The following CEP192 variants were observed in gnomAD, a reference collection of about 807,000 sequenced individuals.
CEP192 encodes centrosomal protein of 192 kDa.
CEP192 carries 151 observed loss-of-function variants against 271.8 expected under a neutral mutation model. The observed-to-expected ratio is 0.56, with a 90% CI of 0.49 to 0.64. The LOEUF (loss-of-function observed/expected upper bound fraction) is 0.64. CEP192 is among the 30% of genes least tolerant of loss of function. The probability of loss-of-function intolerance (pLI) is 0.00; values close to 1 mark genes in which losing one functional copy is unlikely to be tolerated. For synonymous variants in CEP192, 995 were observed against 1,076.5 expected (o/e 0.92, Z 1.48); for missense variants, 2,910 against 3,020.5 (o/e 0.96, Z 0.86).
chr18:13,087,641 T>G lies in CEP192; in HGVS notation c.5988T>G (p.Tyr1996Ter). ...FGGDEISRQQ[Y>*]RRALLHKPEM... Reference sequence around the variant, plus strand: ...GAGATGAAATTTCAAGACAGCAGTATCGCAGGTAGATTACTTATCTTACAC... The same window carrying G: ...GAGATGAAATTTCAAGACAGCAGTAGCGCAGGTAGATTACTTATCTTACAC... The change falls in exon 32 of 45, where the codon TAT (tyrosine) becomes TAG (stop). Residue 1996 changes from tyrosine (Y) to a stop codon, truncating the protein, a stop_gained. Transcript: ENST00000506447. LOFTEE classifies it high-confidence loss of function. 6.7e-7 allele frequency: 1 copy of G among 1,484,386 alleles called. No homozygotes were observed. The highest frequency in any genetic ancestry group is 9.2e-7 in the Non-Finnish European group (1 of 1,087,344). 92.0% of individuals were successfully genotyped at this position (1,484,386 alleles called of 1,614,324 possible).
At chr18:13,122,238 A>G (rs753976167) in intron 44 of CEP192, among the ~76,000 whole-genome samples, 1 of 152,254 alleles carries the variant, frequency 6.6e-6, no homozygotes, top group Admixed American at 6.5e-5. Flanking sequence ...CCTGGCCAAC[A>G]TGGTGAAACC....
At chr18:13,118,841 C>T (rs1404876444) in intron 44 of CEP192, among the ~76,000 whole-genome samples, 3 of 152,174 alleles carry the variant, frequency 2.0e-5, no homozygotes, top group Non-Finnish European at 4.4e-5. Context: ...TGTAGGTGAC[C>T]TTGGCTGGCA....
intron 40 of CEP192, among the ~76,000 whole-genome samples, chr18:13,112,610 G>T (rs2040255957): frequency 6.6e-6 from 1 of 152,178 alleles, no homozygotes; most frequent in East Asian, 1.9e-4. Context: ...CCCAGTGGTG[G>T]TTTTTACCCA....
Position 13,018,575 on chromosome 18 carries a change from A to T in CEP192, c.885A>T (p.Lys295Asn), listed in dbSNP as rs1038454102. The change falls in exon 8 of 45, where the codon AAA (lysine) becomes AAT (asparagine). Residue 295 changes from lysine to asparagine, a missense_variant. Physicochemically the swap from Lys to Asn is moderately conservative, Grantham distance 94. Transcript: ENST00000506447. The stretch of plus-strand genomic sequence containing the variant: ...CACACTCTTCTGAAACAACTCACAA[A>T]GAGTCTGAGGAAAGCCAAGTTATTT... ...LDSHSSETTH[K>N]ESEESQVICL... is the part of the protein sequence containing the mutation. 6.5e-7 allele frequency: 1 copy of T among 1,542,646 alleles called. No individual in the cohort carries two copies. The highest frequency in any genetic ancestry group is 2.5e-5 in the East Asian group (1 of 40,774).
At chr18:13,054,695 T>TTTG (rs888486418) in intron 18 of CEP192, among the ~76,000 whole-genome samples, 1 of 152,226 alleles carries the variant, frequency 6.6e-6, no homozygotes, top group African/African-American at 2.4e-5. Context: ...ATACATATTA[T>TTTG]TTGTTATTAT....
At chr18:13,110,379 A>G (rs1336549987) in intron 40 of CEP192, among the ~76,000 whole-genome samples, 9 of 152,174 alleles carry the variant, frequency 5.9e-5, no homozygotes, top group Non-Finnish European at 1.0e-4. Flanking sequence ...CCACAGAACT[A>G]TGGAATAGGA....
intron 7 of CEP192, among the ~76,000 whole-genome samples, chr18:13,017,913 C>G (rs1049377699): frequency 7.2e-5 from 11 of 152,068 alleles, no homozygotes; most frequent in Admixed American, 2.0e-4. Context: ...TGGAGTAGTT[C>G]TTTCATGACG....
chr18:13,050,964 TAC>T (rs900670013), intron 17 of CEP192, among the ~76,000 whole-genome samples: 1 of 152,262 alleles, frequency 6.6e-6, no homozygotes, highest in Non-Finnish European at 1.5e-5. Flanking sequence ...GTAGTATGTT[TAC>T]AGTCTTTGGC....
At chr18:13,091,515 C>T (rs2039145759) in intron 33 of CEP192, among the ~76,000 whole-genome samples, 1 of 152,178 alleles carries the variant, frequency 6.6e-6, no homozygotes, top group Non-Finnish European at 1.5e-5. Context: ...ATTTCAGTAA[C>T]ATTTGCTTGA....
chr18:13,063,820 ATTTTTTTT>A (rs111552814), intron 21 of CEP192, among the ~76,000 whole-genome samples: 8 of 134,558 alleles, frequency 5.9e-5, no homozygotes, highest in Non-Finnish European at 9.6e-5. Context: ...ATTTTCCCCA[ATTTTTTTT>A]TTTTTTTTTT....
chr18:13,067,866 T>C lies in CEP192; in HGVS notation c.4524T>C (p.Gly1508=). ...ETEKKDVLDF[G]DLTYGGWKAL... Reference sequence around the variant, plus strand: ...AAAAGAAAGACGTTCTTGATTTTGGTGACTTGACTTATGGAGGCTGGAAAG... The same window carrying C: ...AAAAGAAAGACGTTCTTGATTTTGGCGACTTGACTTATGGAGGCTGGAAAG... Residue 1508 remains glycine (G), a synonymous_variant, in exon 22 of 45, where the codon GGT becomes GGC. Coordinates refer to ENST00000506447, the MANE Select transcript of CEP192 (RefSeq NM_032142.4). 4 of 1,612,376 alleles carry C rather than the reference T, an allele frequency of 2.5e-6. No individual in the cohort carries two copies. Among genetic ancestry groups the C allele is most frequent in the Non-Finnish European group, 3.4e-6 (4 of 1,178,580 alleles).
intron 21 of CEP192, among the ~76,000 whole-genome samples, chr18:13,065,730 A>C (rs1165160558): frequency 6.6e-6 from 1 of 152,226 alleles, no homozygotes; most frequent in Non-Finnish European, 1.5e-5. Context: ...CAGCCAGTCC[A>C]CAAGACAGGC....
At chr18:13,043,770 T>G (rs1289314527) in intron 15 of CEP192, among the ~76,000 whole-genome samples, 1 of 152,230 alleles carries the variant, frequency 6.6e-6, no homozygotes, top group Non-Finnish European at 1.5e-5. Flanking sequence ...ACTTCATTTA[T>G]ATGTTTTAAT....
chr18:13,079,214 C>G (rs897419843), intron 30 of CEP192, among the ~76,000 whole-genome samples: 1 of 152,180 alleles, frequency 6.6e-6, no homozygotes, highest in Non-Finnish European at 1.5e-5. Flanking sequence ...TTGCCACACT[C>G]TCTTCCACAA....
intron 40 of CEP192, among the ~76,000 whole-genome samples, chr18:13,107,021 A>G (rs1306354762): frequency 6.6e-6 from 1 of 152,246 alleles, no homozygotes; most frequent in Admixed American, 6.5e-5. Context: ...ATTAACAGTA[A>G]TATTACCTAC....
At chr18:13,056,857 C>G (rs2037133834) in intron 19 of CEP192, among the ~76,000 whole-genome samples, 159 bp downstream of exon 19, 1 of 152,104 alleles carries the variant, frequency 6.6e-6, no homozygotes, top group Non-Finnish European at 1.5e-5. Context: ...TGCAAGCGTC[C>G]CTAAAGTTGG....
At chr18:13,020,159 T>A (rs1344508199) in intron 9 of CEP192, among the ~76,000 whole-genome samples, 1 of 152,148 alleles carries the variant, frequency 6.6e-6, no homozygotes, top group Non-Finnish European at 1.5e-5. Context: ...TTAAGTACAT[T>A]TACATTGTGC....
At chr18:13,089,409 A>T (rs772384128) in intron 32 of CEP192, 47 bp from the exon 33 acceptor site, 1 of 893,674 alleles carries the variant, frequency 1.1e-6, no homozygotes, top group Admixed American at 2.6e-5. Context: ...AAGTTATTTT[A>T]TATATAACGT....
At chr18:13,123,660 C>T (rs1174546784) in intron 44 of CEP192, among the ~76,000 whole-genome samples, 1 of 152,168 alleles carries the variant, frequency 6.6e-6, no homozygotes, top group East Asian at 1.9e-4. Context: ...GATGACATCA[C>T]ATGGGCTGTG....
Sources: gnomAD v4.1 joint callset for allele counts (sites outside exome capture counted in the v4.1 genomes callset) on GRCh38, gnomAD v4.1.1 for gene constraint, MANE v1.5 for transcripts, NCBI Gene and HGNC (gene_info 2026-07-23, HGNC 2026-07-21) for gene names.